The following USH2A variants were observed in gnomAD, a reference collection of about 807,000 sequenced individuals.
The protein encoded by USH2A is usherin.
Under a neutral mutation model 538.9 loss-of-function variants are expected in USH2A, and 443 were observed. The observed-to-expected ratio is 0.82, with a 90% CI of 0.76 to 0.89. USH2A has a LOEUF of 0.89. Among genes scored for constraint, USH2A ranks in the 40% least tolerant of loss-of-function variants. The probability of loss-of-function intolerance (pLI) is 0.00; values close to 1 mark genes in which losing one functional copy is unlikely to be tolerated. For missense variants in USH2A, 6,633 were observed against 6,324.8 expected, an observed-to-expected ratio of 1.05 and a Z score of -1.65; for synonymous variants, 2,413 against 2,273.5, an observed-to-expected ratio of 1.06 and a Z score of -1.75.
chr1:215,924,148 A>G lies in USH2A; in HGVS notation c.7300+10468T>C, dbSNP rs79071648. Among the ~76,000 whole-genome samples, 531 of 152,250 alleles carry G rather than the reference A, an allele frequency of 3.5e-3. 2 individuals carry two copies. The highest frequency in any genetic ancestry group is 0.013 in the African/African-American group (521 of 41,542). The stretch of plus-strand genomic sequence containing the variant: ...ATCAAAGTGTAAGAGGGATTAATCT[A>G]ATAAAGTATATATTAGATACCCTCA... On this transcript the variant is annotated intron_variant, in intron 38 of 71. Transcript: ENST00000307340.
intron 54 of USH2A, 133 bp from the exon 55 acceptor site, chr1:215,780,174 C>T: frequency 9.7e-7 from 1 of 1,028,726 alleles, no homozygotes; most frequent in South Asian, 1.4e-5. Flanking sequence ...AGAAGCATTT[C>T]CCTTTTTTTT....
chr1:215,741,365 C>A lies in USH2A; in HGVS notation c.11711+10G>T. The A allele has an allele frequency of 6.2e-7, 1 of 1,613,376 alleles. No individual in the cohort carries two copies. Among genetic ancestry groups the A allele is most frequent in the African/African-American group, 1.3e-5 (1 of 74,974 alleles). ...AAATAACTAAAAATAATAGTAACAG[C>A]CAATCTTACCTGTAAATAAAGTAGT... On this transcript the variant is annotated intron_variant, in intron 60 of 71. Coordinates refer to ENST00000307340, the MANE Select transcript of USH2A (RefSeq NM_206933.4).
chr1:216,394,123 A>C (rs1370509070), intron 3 of USH2A, among the ~76,000 whole-genome samples: 1 of 152,178 alleles, frequency 6.6e-6, no homozygotes, highest in Non-Finnish European at 1.5e-5. Flanking sequence ...ATAATGAGAT[A>C]CCACTAAACA....
At chr1:216,066,286 T>C (rs61826860) in intron 30 of USH2A, among the ~76,000 whole-genome samples, 20,067 of 151,860 alleles carry the variant, frequency 0.13, 1,495 homozygotes, top group South Asian at 0.21. Flanking sequence ...CTGGCTAACA[T>C]GGTGAAACCC....
Position 215,879,088 on chromosome 1 carries a change from T to C in USH2A, c.8234A>G (p.Lys2745Arg), listed in dbSNP as rs753212183. The change falls in exon 42 of 72, where the codon AAA becomes AGA. Residue 2745 changes from lysine to arginine, a missense_variant. Transcript: ENST00000307340. The stretch of plus-strand genomic sequence containing the variant: ...GTCTCCGTTCTGGATGAGTGGGGGT[T>C]TCCAAGTGACCTGAAATGAAAGATA... ...LEPDAVQVTW[K>R]PPLIQNGDIL... 8 of 1,613,562 alleles carry C rather than the reference T, an allele frequency of 5.0e-6. No homozygotes were observed. The Admixed American group carries it at 1.3e-4, about 27-fold the overall frequency.
chr1:216,320,591 T>A (rs906859488), intron 9 of USH2A, among the ~76,000 whole-genome samples: 2 of 152,198 alleles, frequency 1.3e-5, no homozygotes, highest in African/African-American at 4.8e-5. Flanking sequence ...TGTTAAAGGT[T>A]ATATTCCCAC....
chr1:215,776,018 A>G (rs547249969), intron 55 of USH2A, among the ~76,000 whole-genome samples: 17 of 152,080 alleles, frequency 1.1e-4, no homozygotes, highest in Non-Finnish European at 1.9e-4. Flanking sequence ...TGACTAATTC[A>G]TTTTTTTCTC....
intron 3 of USH2A, among the ~76,000 whole-genome samples, chr1:216,397,468 A>G (rs1295578355): frequency 6.6e-6 from 1 of 152,330 alleles, no homozygotes; most frequent in East Asian, 1.9e-4. Flanking sequence ...ACTGAGAGAA[A>G]GACCTACCCT....
intron 60 of USH2A, among the ~76,000 whole-genome samples, chr1:215,728,659 C>T (rs1395677134): frequency 6.6e-6 from 1 of 151,362 alleles, no homozygotes; most frequent in Non-Finnish European, 1.5e-5. Flanking sequence ...ACATGGAAAA[C>T]ACAGAAGAAA....
At chr1:216,081,677 C>T (rs1220733123) in intron 26 of USH2A, among the ~76,000 whole-genome samples, 2 of 152,082 alleles carry the variant, frequency 1.3e-5, no homozygotes, top group East Asian at 1.9e-4. Context: ...CTGCAGCCTT[C>T]GACTCCCAGT....
chr1:215,655,725 C>CTGTTTTTT (rs1657225032), intron 64 of USH2A, among the ~76,000 whole-genome samples: 1 of 96,168 alleles, frequency 1.0e-5, no homozygotes, highest in Non-Finnish European at 2.0e-5. Flanking sequence ...GCTAGTTATT[C>CTGTTTTTT]TTTTTTTTTT....
intron 43 of USH2A, among the ~76,000 whole-genome samples, chr1:215,877,039 A>T (rs1664790338): frequency 6.6e-6 from 1 of 152,222 alleles, no homozygotes; most frequent in African/African-American, 2.4e-5. Flanking sequence ...CTGAAATTTA[A>T]TCACATTGCT....
intron 44 of USH2A, among the ~76,000 whole-genome samples, chr1:215,848,411 C>A (rs1317506885): frequency 6.6e-6 from 1 of 152,148 alleles, no homozygotes; most frequent in African/African-American, 2.4e-5. Flanking sequence ...TGCCTGTTAT[C>A]TGCACTATCA....
intron 47 of USH2A, among the ~76,000 whole-genome samples, chr1:215,833,994 C>G (rs1318627930): frequency 6.6e-6 from 1 of 151,936 alleles, no homozygotes; most frequent in African/African-American, 2.4e-5. Context: ...TAATTTAAGA[C>G]CATAATAACA....
At chr1:216,162,916 G>A (rs543090400) in intron 21 of USH2A, among the ~76,000 whole-genome samples, 1 of 151,974 alleles carries the variant, frequency 6.6e-6, no homozygotes, top group Non-Finnish European at 1.5e-5. Flanking sequence ...TTGTTACACA[G>A]AATTTTTGAA....
chr1:215,834,206 T>A (rs1663409704), intron 47 of USH2A, among the ~76,000 whole-genome samples: 1 of 152,082 alleles, frequency 6.6e-6, no homozygotes, highest in Non-Finnish European at 1.5e-5. Context: ...CCACATGAAA[T>A]GAAAATATAT....
chr1:215,741,388 A>G lies in USH2A; in HGVS notation c.11698T>C (p.Tyr3900His). 1.2e-6 allele frequency: 2 copies of G among 1,614,114 alleles called. No individual in the cohort carries two copies. The highest frequency in any genetic ancestry group is 1.7e-6 in the Non-Finnish European group (2 of 1,180,024). ...PEKPNGIIIN[Y>H]FIYRRPAGIE... Reference sequence around the variant, plus strand: ...AGCCAATCTTACCTGTAAATAAAGTAGTTGATGATGATTCCATTTGGTTTT... The same window carrying G: ...AGCCAATCTTACCTGTAAATAAAGTGGTTGATGATGATTCCATTTGGTTTT... Residue 3900 changes from tyrosine to histidine, a missense_variant, in exon 60 of 72, where the codon TAC becomes CAC. Transcript: ENST00000307340.
intron 70 of USH2A, among the ~76,000 whole-genome samples, chr1:215,633,372 C>T (rs1450948337): frequency 6.6e-6 from 1 of 152,172 alleles, no homozygotes; most frequent in Non-Finnish European, 1.5e-5. Flanking sequence ...CTACTTCCCA[C>T]AAAAACCACA....
At chr1:215,861,139 G>A (rs1375221751) in intron 44 of USH2A, among the ~76,000 whole-genome samples, 1 of 152,084 alleles carries the variant, frequency 6.6e-6, no homozygotes, top group Non-Finnish European at 1.5e-5. Context: ...CTCCTGTCTT[G>A]TCTCTAGTTT....
Sources: allele counts gnomAD v4.1 joint callset (sites outside exome capture counted in the v4.1 genomes callset), GRCh38; gene constraint gnomAD v4.1.1; transcripts MANE v1.5; gene names NCBI Gene and HGNC (gene_info 2026-07-23, HGNC 2026-07-21).